The following FAM83B variants were observed in gnomAD, a reference collection of about 807,000 sequenced individuals.
FAM83B encodes protein FAM83B.
In FAM83B, 26 loss-of-function variants were observed where a neutral mutation model predicts 38.8. That is an observed-to-expected ratio of 0.67 (90% CI 0.49 to 0.93). FAM83B has a LOEUF of 0.93. Among genes scored for constraint, FAM83B ranks in the 40% least tolerant of loss-of-function variants. The probability of loss-of-function intolerance (pLI) is 0.00; values close to 1 mark genes in which losing one functional copy is unlikely to be tolerated. For synonymous variants in FAM83B, 419 were observed against 423.1 expected (o/e 0.99, Z 0.12); for missense variants, 1,237 against 1,197.3 (o/e 1.03, Z -0.49).
At chr6:54,913,058 A>G (rs1017639680) in intron 2 of FAM83B, among the ~76,000 whole-genome samples, 3 of 152,048 alleles carry the variant, frequency 2.0e-5, no homozygotes, top group Non-Finnish European at 2.9e-5. Context: ...CCTTTGCAGT[A>G]TATTTGATTT....
At chr6:54,880,441 CTTTTTTTTTT>C (rs1180941250) in intron 2 of FAM83B, among the ~76,000 whole-genome samples, 3 of 106,228 alleles carry the variant, frequency 2.8e-5, no homozygotes, top group South Asian at 3.2e-4. Flanking sequence ...TAGAAGGTTT[CTTTTTTTTTT>C]TTTTTTTTTT....
At chr6:54,889,803 T>C (rs1226430067) in intron 2 of FAM83B, among the ~76,000 whole-genome samples, 1 of 152,144 alleles carries the variant, frequency 6.6e-6, no homozygotes, top group African/African-American at 2.4e-5. Context: ...AAGTTGTTGA[T>C]ACACACTTAC....
intron 2 of FAM83B, among the ~76,000 whole-genome samples, chr6:54,916,815 C>T (rs1207170018): frequency 6.6e-6 from 1 of 152,114 alleles, no homozygotes; most frequent in African/African-American, 2.4e-5. Context: ...ACTTACGAAC[C>T]AACTTCTACA....
At chr6:54,919,844 CTT>C (rs1232960574) in intron 2 of FAM83B, among the ~76,000 whole-genome samples, 1 of 151,800 alleles carries the variant, frequency 6.6e-6, no homozygotes, top group Non-Finnish European at 1.5e-5. Context: ...AAAACATAGA[CTT>C]TTGGAACCGG....
At chr6:54,878,970 G>A (rs1772062734) in intron 2 of FAM83B, among the ~76,000 whole-genome samples, 1 of 152,172 alleles carries the variant, frequency 6.6e-6, no homozygotes, top group South Asian at 2.1e-4. Context: ...ATGTGAAATA[G>A]GTTGAACAAC....
chr6:54,918,841 C>G (rs554527015), intron 2 of FAM83B, among the ~76,000 whole-genome samples: 13 of 152,256 alleles, frequency 8.5e-5, no homozygotes, highest in African/African-American at 3.1e-4. Context: ...ATTGCCTCCT[C>G]TCTGTCTTCC....
rs534399591 is a variant in FAM83B, at chr6:54,913,780, A to G, written c.445-12591A>G. On this transcript the variant is annotated intron_variant, in intron 2 of 4. Transcript: ENST00000306858. ...GAAGAATCAGTTTCAGTAATTATCAACTTGTGGTCAATTTTGCTTCCTTCG... is the reference window on the plus strand; with the variant it reads ...GAAGAATCAGTTTCAGTAATTATCAGCTTGTGGTCAATTTTGCTTCCTTCG... Among the ~76,000 whole-genome samples the G allele has an allele frequency of 8.5e-5, 13 of 152,210 alleles. No homozygotes were observed. In the South Asian group the frequency reaches 2.7e-3, roughly 32 times the overall value.
chr6:54,884,035 G>C (rs1256934772), intron 2 of FAM83B, among the ~76,000 whole-genome samples: 1 of 152,092 alleles, frequency 6.6e-6, no homozygotes, highest in Non-Finnish European at 1.5e-5. Flanking sequence ...CAGGCATGGT[G>C]ACTCACGCCT....
At chr6:54,851,151 T>C (rs1003765260) in intron 1 of FAM83B, among the ~76,000 whole-genome samples, 3 of 152,104 alleles carry the variant, frequency 2.0e-5, no homozygotes, top group African/African-American at 7.2e-5. Flanking sequence ...CTGTGATTCT[T>C]TTTTTTAGTT....
chr6:54,859,068 C>A (rs1243793167), intron 1 of FAM83B, among the ~76,000 whole-genome samples: 1 of 151,736 alleles, frequency 6.6e-6, no homozygotes, highest in Admixed American at 6.6e-5. Context: ...CACCCCCCAG[C>A]CCCCAGCACT....
At chr6:54,929,809 G>A (rs1773381919) in intron 4 of FAM83B, among the ~76,000 whole-genome samples, 1 of 151,970 alleles carries the variant, frequency 6.6e-6, no homozygotes, top group Non-Finnish European at 1.5e-5. Context: ...GTGTTTAGTG[G>A]AGCTGGGAGT....
intron 1 of FAM83B, among the ~76,000 whole-genome samples, 156 bp downstream of exon 1, chr6:54,846,982 C>G (rs1259725017): frequency 6.6e-6 from 1 of 152,042 alleles, no homozygotes; most frequent in Non-Finnish European, 1.5e-5. Flanking sequence ...CCCTTGGGAG[C>G]GCAGGCGGGA....
chr6:54,933,985 C>T (rs544493858), intron 4 of FAM83B, among the ~76,000 whole-genome samples: 2 of 152,204 alleles, frequency 1.3e-5, no homozygotes, highest in East Asian at 3.9e-4. Context: ...GCTGGCCAAA[C>T]ATCACAGGTT....
At chr6:54,883,444 C>A (rs937583356) in intron 2 of FAM83B, among the ~76,000 whole-genome samples, 1 of 150,376 alleles carries the variant, frequency 6.6e-6, no homozygotes, top group African/African-American at 2.5e-5. Flanking sequence ...AAGTGATTCT[C>A]CTGCCTCAAC....
At chr6:54,916,379 A>G (rs572727523) in intron 2 of FAM83B, among the ~76,000 whole-genome samples, 2 of 151,636 alleles carry the variant, frequency 1.3e-5, no homozygotes, top group Admixed American at 1.3e-4. Flanking sequence ...CTCAGGGAGA[A>G]TTTTTTTTTC....
At chr6:54,918,555 A>T (rs1773097912) in intron 2 of FAM83B, among the ~76,000 whole-genome samples, 1 of 151,844 alleles carries the variant, frequency 6.6e-6, no homozygotes, top group South Asian at 2.1e-4. Flanking sequence ...GTGTAGAGTG[A>T]AGTGGGGGAA....
At position 54,871,555 on chromosome 6, in the gene FAM83B, CAATAAT is replaced by C. The variant is rs3064912; in HGVS notation, c.444+901_444+906del. On this transcript the variant is annotated intron_variant, in intron 2 of 4. Coordinates refer to ENST00000306858, the MANE Select transcript of FAM83B (RefSeq NM_001010872.3). ...CCAACATAGCAAAACCTCGTCTCTACAATAATAATAATAATAATAATAATAATAATA... is the reference window on the plus strand; with the variant it reads ...CCAACATAGCAAAACCTCGTCTCTACAATAATAATAATAATAATAATAATA... Among the ~76,000 whole-genome samples the C allele has an allele frequency of 1.6e-3, 204 of 127,130 alleles. 1 individual carries two copies. The highest frequency in any genetic ancestry group is 5.0e-3 in the East Asian group (22 of 4,426). 83.4% of individuals were successfully genotyped at this position (127,130 alleles called of 152,430 possible).
chr6:54,880,441 CTTTTTTTTT>C (rs1180941250), intron 2 of FAM83B, among the ~76,000 whole-genome samples: 1 of 106,216 alleles, frequency 9.4e-6, no homozygotes, highest in Non-Finnish European at 1.8e-5. Flanking sequence ...TAGAAGGTTT[CTTTTTTTTT>C]TTTTTTTTTT....
chr6:54,855,664 A>G (rs1414459432), intron 1 of FAM83B, among the ~76,000 whole-genome samples: 1 of 152,200 alleles, frequency 6.6e-6, no homozygotes, highest in Admixed American at 6.5e-5. Context: ...TAAGACATTT[A>G]CAGGAAAAGA....
Sources: gnomAD v4.1 joint callset for allele counts (sites outside exome capture counted in the v4.1 genomes callset) on GRCh38, gnomAD v4.1.1 for gene constraint, MANE v1.5 for transcripts, NCBI Gene and HGNC (gene_info 2026-07-23, HGNC 2026-07-21) for gene names.